The following ZNF148 variants were observed in gnomAD, a reference collection of about 807,000 sequenced individuals.
ZNF148 encodes zinc finger protein 148, also known as Beta-Enolase Repressor Factor-1.
Under a neutral mutation model 67.7 loss-of-function variants are expected in ZNF148, and 7 were observed. That is an observed-to-expected ratio of 0.10 (90% CI 0.06 to 0.19). ZNF148 has a LOEUF of 0.19. ZNF148 is among the 10% of genes least tolerant of loss of function. ZNF148 has a pLI of 1.00. For synonymous variants in ZNF148, 333 were observed against 330.7 expected, an observed-to-expected ratio of 1.01 and a Z score of -0.08; for missense variants, 583 against 947.1, an observed-to-expected ratio of 0.62 and a Z score of 5.05.
intron 1 of ZNF148, among the ~76,000 whole-genome samples, chr3:125,371,102 T>A (rs1003045882): frequency 3.4e-5 from 5 of 148,482 alleles, no homozygotes; most frequent in African/African-American, 9.9e-5. Flanking sequence ...CCTGTAATCC[T>A]AGCACTTTGG....
chr3:125,232,743 T>C lies in ZNF148; in HGVS notation c.1983A>G (p.Ser661=), dbSNP rs763862784. The C allele has an allele frequency of 6.2e-7, 1 of 1,613,880 alleles. No homozygotes were observed. Among genetic ancestry groups the C allele is most frequent in the Admixed American group, 1.7e-5 (1 of 59,998 alleles). Residue 661 remains serine, a synonymous_variant, in exon 9 of 9, where the codon TCA becomes TCG. Transcript: ENST00000360647. This position sits in a 1 kb window ranked among gnomAD's most constrained non-coding sequence, Gnocchi z 4.2. ...YATMPINSFR[S]GMNSPLRTTP... is the part of the protein sequence containing the mutation. ...TTGTTCTTAGTGGAGAATTCATTCC[T>C]GATCGAAAGCTATTGATGGGCATGG... is the stretch of plus-strand genomic sequence containing the variant.
intron 2 of ZNF148, among the ~76,000 whole-genome samples, chr3:125,327,322 AG>A (rs1317249539): frequency 3.3e-5 from 5 of 152,128 alleles, no homozygotes; most frequent in Non-Finnish European, 7.4e-5. Flanking sequence ...ACTCTAAATA[AG>A]TGACAGAATA....
chr3:125,298,080 T>G (rs1560150444), intron 4 of ZNF148, among the ~76,000 whole-genome samples: 2 of 152,180 alleles, frequency 1.3e-5, no homozygotes, highest in Non-Finnish European at 2.9e-5. Flanking sequence ...TAGTATATAG[T>G]GCCTATGATT....
rs1196560857 is a variant in ZNF148 at position 125,228,389 on chromosome 3, G to A, written c.*3952C>T. The A allele has an allele frequency of 1.3e-5, 2 of 152,504 alleles. No homozygotes were observed. Among genetic ancestry groups the A allele is most frequent in the Non-Finnish European group, 1.5e-5 (1 of 67,994 alleles). The allele number at this position is 152,504 out of a possible 1,614,324, so 9.4% of individuals were successfully genotyped here. ...AATTATGCTGTGTAAACAGTGTTAC[G>A]TTCCAATAGGAGGAACAATGGAATT... On this transcript the variant is annotated 3_prime_UTR_variant, in exon 9 of 9. Transcript: ENST00000360647.
At chr3:125,251,629 C>A (rs1936846043) in intron 7 of ZNF148, among the ~76,000 whole-genome samples, 1 of 152,140 alleles carries the variant, frequency 6.6e-6, no homozygotes, top group Admixed American at 6.6e-5. Flanking sequence ...CAATGTTATG[C>A]TTGTAAGATT....
At chr3:125,361,650 T>G (rs980471480) in intron 1 of ZNF148, among the ~76,000 whole-genome samples, 3 of 152,076 alleles carry the variant, frequency 2.0e-5, no homozygotes, top group African/African-American at 7.2e-5. Context: ...CTGGCCAACA[T>G]GGTGAAACCC....
intron 3 of ZNF148, among the ~76,000 whole-genome samples, chr3:125,322,207 A>G (rs1463564926): frequency 6.6e-6 from 1 of 151,186 alleles, no homozygotes; most frequent in Non-Finnish European, 1.5e-5. Flanking sequence ...TTTTTTTTGT[A>G]TGTAGAGACA....
chr3:125,269,978 G>T (rs1281336857), intron 7 of ZNF148, among the ~76,000 whole-genome samples: 1 of 152,060 alleles, frequency 6.6e-6, no homozygotes, highest in Non-Finnish European at 1.5e-5. Flanking sequence ...AGGAATGGGG[G>T]AAAGGCCTGA....
intron 4 of ZNF148, among the ~76,000 whole-genome samples, chr3:125,296,911 T>C (rs1008342553): frequency 2.6e-5 from 4 of 151,446 alleles, no homozygotes; most frequent in African/African-American, 9.7e-5. Flanking sequence ...AACACAAATA[T>C]AGACACAGCA....
intron 7 of ZNF148, among the ~76,000 whole-genome samples, chr3:125,251,294 C>T (rs114221746): frequency 0.011 from 1,710 of 152,252 alleles, 25 homozygotes; most frequent in African/African-American, 0.039. Context: ...CTTTTAACTA[C>T]CTTTTTATCA....
At chr3:125,366,808 T>A (rs952036898) in intron 1 of ZNF148, among the ~76,000 whole-genome samples, 3 of 152,154 alleles carry the variant, frequency 2.0e-5, no homozygotes, top group Non-Finnish European at 4.4e-5. Context: ...CTTTCAGTAA[T>A]CTTTGCCAAT....
chr3:125,326,030 C>T (rs998981883), intron 2 of ZNF148, among the ~76,000 whole-genome samples: 1 of 152,134 alleles, frequency 6.6e-6, no homozygotes. Flanking sequence ...CTGAAAGATA[C>T]AGCTGTCAAC....
chr3:125,345,644 A>ATCTGT (rs1192876509), intron 1 of ZNF148, among the ~76,000 whole-genome samples: 3 of 152,130 alleles, frequency 2.0e-5, no homozygotes, highest in Middle Eastern at 6.3e-3. Flanking sequence ...TATGAAACAG[A>ATCTGT]ACATCAGTAC....
intron 4 of ZNF148, among the ~76,000 whole-genome samples, chr3:125,308,723 A>G (rs929540197): frequency 6.6e-6 from 1 of 152,186 alleles, no homozygotes; most frequent in African/African-American, 2.4e-5. Flanking sequence ...CACTAGGTCC[A>G]TCAATGAAAA....
At chr3:125,326,620 T>C (rs908373338) in intron 2 of ZNF148, among the ~76,000 whole-genome samples, 6 of 149,750 alleles carry the variant, frequency 4.0e-5, no homozygotes, top group African/African-American at 7.3e-5. Context: ...CATATATATA[T>C]AAAGGATCAT....
At chr3:125,285,037 A>G (rs1938586055) in intron 5 of ZNF148, among the ~76,000 whole-genome samples, 1 of 152,186 alleles carries the variant, frequency 6.6e-6, no homozygotes, top group Non-Finnish European at 1.5e-5. Context: ...CCATAGTTAC[A>G]TGGATGTTTA....
At chr3:125,256,096 G>A (rs1187304412) in intron 7 of ZNF148, among the ~76,000 whole-genome samples, 5 of 151,978 alleles carry the variant, frequency 3.3e-5, no homozygotes, top group Non-Finnish European at 7.4e-5. Context: ...AAAAATCGGC[G>A]GGGCGCAGTG....
At chr3:125,332,331 T>C (rs1398543169) in intron 1 of ZNF148, among the ~76,000 whole-genome samples, 1 of 152,212 alleles carries the variant, frequency 6.6e-6, no homozygotes, top group Non-Finnish European at 1.5e-5. Context: ...CATATACATG[T>C]CATTCCTCTC....
chr3:125,368,386 C>T (rs967046426), intron 1 of ZNF148, among the ~76,000 whole-genome samples: 2 of 152,182 alleles, frequency 1.3e-5, no homozygotes, highest in Admixed American at 6.6e-5. Flanking sequence ...TATGTAGTGC[C>T]TAACTAACTA....
Sources: gnomAD v4.1 joint callset for allele counts (sites outside exome capture counted in the v4.1 genomes callset) on GRCh38, gnomAD v4.1.1 for gene constraint, Gnocchi (gnomAD v3.1) non-coding constraint, MANE v1.5 for transcripts, NCBI Gene and HGNC (gene_info 2026-07-23, HGNC 2026-07-21) for gene names.